The following CSMD3 variants were observed in gnomAD, a reference collection of about 807,000 sequenced individuals.
The protein encoded by CSMD3 is CUB and sushi domain-containing protein 3.
CSMD3 carries 177 observed loss-of-function variants against 435.2 expected under a neutral mutation model. The observed-to-expected ratio is 0.41, with a 90% CI of 0.36 to 0.46. The LOEUF (loss-of-function observed/expected upper bound fraction) is 0.46. Among genes scored for constraint, CSMD3 ranks in the 20% least tolerant of loss-of-function variants. CSMD3 has a pLI of 0.34. For missense variants in CSMD3, 4,265 were observed against 4,504.6 expected (o/e 0.95, Z 1.52); for synonymous variants, 1,656 against 1,520.5 (o/e 1.09, Z -2.07).
At chr8:112,423,254 G>A (rs1812711295) in intron 32 of CSMD3, among the ~76,000 whole-genome samples, 1 of 151,962 alleles carries the variant, frequency 6.6e-6, no homozygotes, top group South Asian at 2.1e-4. Context: ...TACAACCAAA[G>A]TAACACATCT....
chr8:113,376,797 C>T (rs1351880876), intron 1 of CSMD3: 1 of 1,613,962 alleles, frequency 6.2e-7, no homozygotes, highest in African/African-American at 1.3e-5. Flanking sequence ...ACTCCACATT[C>T]AACCGGGTTG....
At chr8:113,260,788 A>G (rs1399515747) in intron 3 of CSMD3, among the ~76,000 whole-genome samples, 1 of 151,786 alleles carries the variant, frequency 6.6e-6, no homozygotes, top group Non-Finnish European at 1.5e-5. Flanking sequence ...ATGTGTTCTC[A>G]TTTTCAACTC....
intron 15 of CSMD3, among the ~76,000 whole-genome samples, chr8:112,684,845 C>A (rs1371756626): frequency 2.0e-5 from 3 of 152,230 alleles, no homozygotes; most frequent in East Asian, 1.9e-4. Context: ...TTCTTTATAG[C>A]AATCCATTGT....
chr8:112,235,316 G>A (rs1472418784), intron 67 of CSMD3, among the ~76,000 whole-genome samples: 12 of 151,982 alleles, frequency 7.9e-5, no homozygotes, highest in African/African-American at 2.7e-4. Flanking sequence ...CCCAGGAGCC[G>A]GAGGTTGCAG....
At chr8:112,384,448 C>T (rs1409012852) in intron 36 of CSMD3, among the ~76,000 whole-genome samples, 1 of 152,148 alleles carries the variant, frequency 6.6e-6, no homozygotes, top group African/African-American at 2.4e-5. Context: ...ACAGCTTGAG[C>T]TTTTGCAAGA....
At chr8:112,691,273 T>A (rs1429771352) in intron 13 of CSMD3, among the ~76,000 whole-genome samples, 3 of 152,176 alleles carry the variant, frequency 2.0e-5, no homozygotes, top group African/African-American at 7.2e-5. Flanking sequence ...TTATATTTTC[T>A]TAGACTTTTT....
rs575141436 is a variant in CSMD3, at chr8:112,709,298, C to T, written c.1973-19248G>A. Reference sequence around the variant, plus strand: ...TTATTTAATGGCCCATTAACCAGTACGACTTTTATATTGAAAAATAGGTGT... The same window carrying T: ...TTATTTAATGGCCCATTAACCAGTATGACTTTTATATTGAAAAATAGGTGT... On this transcript the variant is annotated intron_variant, in intron 13 of 70. Coordinates refer to ENST00000297405, the MANE Select transcript of CSMD3 (RefSeq NM_198123.2). Among the ~76,000 whole-genome samples the T allele has an allele frequency of 1.9e-3, 288 of 152,060 alleles. 1 individual carries two copies. Among genetic ancestry groups the T allele is most frequent in the African/African-American group, 6.5e-3 (268 of 41,506 alleles).
intron 1 of CSMD3, among the ~76,000 whole-genome samples, chr8:113,386,623 T>C (rs960265494): frequency 6.6e-6 from 1 of 151,826 alleles, no homozygotes; most frequent in Non-Finnish European, 1.5e-5. Flanking sequence ...AGCCTAAAGA[T>C]ACTGATATTT....
chr8:112,370,082 A>AAGAAGAAGAAGAAGTAGT (rs1285510394), intron 38 of CSMD3, among the ~76,000 whole-genome samples: 24 of 103,532 alleles, frequency 2.3e-4, no homozygotes, highest in African/African-American at 6.9e-4. Context: ...GAAGAAGAAG[A>AAGAAGAAGAAGAAGTAGT]AGTAGTAGTA....
chr8:112,259,277 A>T (rs1292965904), intron 61 of CSMD3, among the ~76,000 whole-genome samples: 2 of 152,138 alleles, frequency 1.3e-5, no homozygotes, highest in East Asian at 3.9e-4. Flanking sequence ...AGGATGAGTT[A>T]TTGTCCTTTG....
intron 3 of CSMD3, among the ~76,000 whole-genome samples, chr8:113,245,545 C>T (rs549620993): frequency 6.6e-6 from 1 of 151,960 alleles, no homozygotes; most frequent in South Asian, 2.1e-4. Flanking sequence ...CTTCTCCAAC[C>T]CCCTTTCTGC....
chr8:113,010,646 G>C (rs1255132867), intron 6 of CSMD3, among the ~76,000 whole-genome samples: 1 of 151,540 alleles, frequency 6.6e-6, no homozygotes, highest in East Asian at 1.9e-4. Context: ...AATTCCATGA[G>C]ATCATAACAT....
chr8:112,717,268 G>A (rs2076754568), intron 13 of CSMD3, among the ~76,000 whole-genome samples: 2 of 151,592 alleles, frequency 1.3e-5, no homozygotes, highest in South Asian at 4.2e-4. Context: ...GACATGAACA[G>A]ATGCTTCTCA....
At chr8:112,587,041 T>C (rs879883502) in intron 23 of CSMD3, 25 bp downstream of exon 23, 40 of 1,559,946 alleles carry the variant, frequency 2.6e-5, no homozygotes, top group Non-Finnish European at 3.4e-5. Flanking sequence ...ATGAACAATA[T>C]ACAAGTATGT....
intron 11 of CSMD3, among the ~76,000 whole-genome samples, chr8:112,837,402 G>C (rs1333118049): frequency 6.6e-6 from 1 of 151,542 alleles, no homozygotes; most frequent in East Asian, 1.9e-4. Flanking sequence ...TAGTGAGACA[G>C]GATAATATAG....
At chr8:112,234,050 A>C (rs1813336523) in intron 68 of CSMD3, among the ~76,000 whole-genome samples, 1 of 151,680 alleles carries the variant, frequency 6.6e-6, no homozygotes. Context: ...AATATATTTG[A>C]TGAAATCAGT....
chr8:113,332,779 C>T (rs889915235), intron 1 of CSMD3, among the ~76,000 whole-genome samples: 1 of 151,276 alleles, frequency 6.6e-6, no homozygotes, highest in African/African-American at 2.4e-5. Flanking sequence ...CAAGTTGATG[C>T]CAAAAATTTA....
At chr8:113,225,922 G>GT (rs1464016351) in intron 3 of CSMD3, among the ~76,000 whole-genome samples, 1 of 151,410 alleles carries the variant, frequency 6.6e-6, no homozygotes, top group Non-Finnish European at 1.5e-5. Context: ...CATGAAGGCT[G>GT]TTCCCCCCTG....
At chr8:112,791,657 C>T (rs2078695855) in intron 13 of CSMD3, among the ~76,000 whole-genome samples, 1 of 151,844 alleles carries the variant, frequency 6.6e-6, no homozygotes, top group Non-Finnish European at 1.5e-5. Flanking sequence ...GGATTGTTTC[C>T]AGTTTGTAGA....
Sources: allele counts gnomAD v4.1 joint callset (sites outside exome capture counted in the v4.1 genomes callset), GRCh38; gene constraint gnomAD v4.1.1; transcripts MANE v1.5; gene names NCBI Gene and HGNC (gene_info 2026-07-23, HGNC 2026-07-21).